The following NKD1 variants were observed in gnomAD, a reference collection of about 807,000 sequenced individuals.
NKD1 encodes NKD inhibitor of Wnt signaling pathway 1, also known as protein naked cuticle homolog 1.
NKD1 carries 21 observed loss-of-function variants against 56.0 expected under a neutral mutation model. The ratio of observed to expected loss-of-function variants is 0.38; its 90% confidence interval spans 0.27 to 0.54. NKD1 has a LOEUF of 0.54. Among genes scored for constraint, NKD1 ranks in the 20% least tolerant of loss-of-function variants. The pLI is 0.82. For synonymous variants in NKD1, 263 were observed against 265.7 expected (o/e 0.99, Z 0.10); for missense variants, 578 against 642.7 (o/e 0.90, Z 1.09).
At chr16:50,563,559 G>A (rs1223284943) in intron 3 of NKD1, among the ~76,000 whole-genome samples, 2 of 151,448 alleles carry the variant, frequency 1.3e-5, no homozygotes, top group Non-Finnish European at 2.9e-5. Context: ...CCATGGAGAA[G>A]ACCCTGTGTG....
chr16:50,601,600 C>T (rs1193408391), intron 3 of NKD1, among the ~76,000 whole-genome samples: 4 of 152,144 alleles, frequency 2.6e-5, no homozygotes, highest in Non-Finnish European at 4.4e-5. Context: ...GAGAAGCTGC[C>T]GATGAGATGA....
At chr16:50,601,038 T>G (rs2151273827) in intron 3 of NKD1, among the ~76,000 whole-genome samples, 1 of 152,372 alleles carries the variant, frequency 6.6e-6, no homozygotes, top group Middle Eastern at 3.4e-3. Flanking sequence ...CTCAATGTCT[T>G]TGGCGTCTTG....
intron 3 of NKD1, among the ~76,000 whole-genome samples, chr16:50,603,255 G>A (rs1453513510): frequency 1.3e-5 from 2 of 152,194 alleles, no homozygotes; most frequent in South Asian, 2.1e-4. Context: ...TGGGCGTCCC[G>A]ACTGCCAGGT....
chr16:50,592,457 G>C (rs557046002), intron 3 of NKD1, among the ~76,000 whole-genome samples: 296 of 152,360 alleles, frequency 1.9e-3, no homozygotes, highest in South Asian at 0.015. Flanking sequence ...CTGCAGAGAG[G>C]AGGAAGAGAG....
chr16:50,625,301 C>T (rs879383381), intron 5 of NKD1, 184 bp from the exon 6 acceptor site: 159 of 601,986 alleles, frequency 2.6e-4, no homozygotes, highest in African/African-American at 2.8e-4. Flanking sequence ...CTCCCCTGCC[C>T]GGGCTCTGGC....
At chr16:50,627,392 T>C (rs969977357) in intron 6 of NKD1, among the ~76,000 whole-genome samples, 1 of 152,106 alleles carries the variant, frequency 6.6e-6, no homozygotes, top group African/African-American at 2.4e-5. Flanking sequence ...GCTTTGATAA[T>C]GAGAGGAAGG....
chr16:50,598,166 G>A lies in NKD1; in HGVS notation c.193-10128G>A, dbSNP rs1596730799. ...GCCCAGGGCTGATGGGATCAGAGTG[G>A]GTAGGAGCATGGCTTCTGCAAGATG... On this transcript the variant is annotated intron_variant, in intron 3 of 9. Transcript: ENST00000268459. The surrounding 1 kb of genome is among the most constrained non-coding windows in gnomAD (Gnocchi z 4.2). 6.6e-6 allele frequency among the ~76,000 whole-genome samples: 1 copy of A among 151,894 alleles called. No individual in the cohort carries two copies. Among genetic ancestry groups the A allele is most frequent in the Admixed American group, 6.6e-5 (1 of 15,264 alleles).
At chr16:50,577,034 A>G (rs566187550) in intron 3 of NKD1, among the ~76,000 whole-genome samples, 43 of 152,300 alleles carry the variant, frequency 2.8e-4, no homozygotes, top group African/African-American at 9.6e-4. Context: ...CTGGCCCTAT[A>G]CAAGGCAGAA....
In NKD1 at chr16:50,598,189, A is replaced by T. The variant is rs1392573225; in HGVS notation, c.193-10105A>T. On this transcript the variant is annotated intron_variant, in intron 3 of 9. Transcript: ENST00000268459. This position sits in a 1 kb window ranked among gnomAD's most constrained non-coding sequence, Gnocchi z 4.2. ...TGGGTAGGAGCATGGCTTCTGCAAG[A>T]TGGTTTCTCCAGGGCACTGCAGGGC... Among the ~76,000 whole-genome samples the T allele has an allele frequency of 6.6e-6, 1 of 150,912 alleles. No individual in the cohort carries two copies. Among genetic ancestry groups the T allele is most frequent in the African/African-American group, 2.5e-5 (1 of 40,788 alleles).
rs1351055560 is a variant in NKD1, at chr16:50,639,454, C to T, written c.*5673C>T. On this transcript the variant is annotated 3_prime_UTR_variant, in exon 10 of 10. Coordinates refer to ENST00000268459, the MANE Select transcript of NKD1 (RefSeq NM_033119.5). ...ATTCTGAGAGTCCTGTTGCCTGTGC[C>T]TTGGTGCACGTGGGGTGGAATCCCA... The T allele has an allele frequency of 6.6e-6, 1 of 152,260 alleles. No individual in the cohort carries two copies. Among genetic ancestry groups the T allele is most frequent in the African/African-American group, 2.4e-5 (1 of 41,434 alleles). The allele number at this position is 152,260 out of a possible 1,614,324, so 9.4% of individuals were successfully genotyped here.
rs1962360328 is a variant in NKD1, at chr16:50,632,160, A to G, written c.696-121A>G. The G allele has an allele frequency of 1.1e-6, 1 of 945,176 alleles. No homozygotes were observed. The highest frequency in any genetic ancestry group is 1.6e-6 in the Non-Finnish European group (1 of 625,308). The allele number at this position is 945,176 out of a possible 1,614,324, so 58.5% of individuals were successfully genotyped here. On this transcript the variant is annotated intron_variant, in intron 8 of 9. Transcript: ENST00000268459. The surrounding 1 kb of genome is among the most constrained non-coding windows in gnomAD (Gnocchi z 4.1). ...GGACTGTTCCTCCCCACCCTCTCCA[A>G]AGGCCAAGAAGGAAATGAATGAAGG...
At chr16:50,572,361 C>T (rs1486181173) in intron 3 of NKD1, among the ~76,000 whole-genome samples, 1 of 152,152 alleles carries the variant, frequency 6.6e-6, no homozygotes, top group Non-Finnish European at 1.5e-5. Context: ...TTGCACAGGG[C>T]CTGACACATA....
At chr16:50,628,387 G>A (rs1272375003) in intron 6 of NKD1, among the ~76,000 whole-genome samples, 1 of 152,230 alleles carries the variant, frequency 6.6e-6, no homozygotes, top group African/African-American at 2.4e-5. Context: ...GCTGCGCTGG[G>A]GTTGCCTCAG....
At chr16:50,562,215 A>G in intron 3 of NKD1, 1 of 618,686 alleles carries the variant, frequency 1.6e-6, no homozygotes. Flanking sequence ...AGACCCTGAG[A>G]CGCTGCTGAA....
At chr16:50,574,780 G>A in intron 3 of NKD1, 2 of 985,366 alleles carry the variant, frequency 2.0e-6, no homozygotes, top group Middle Eastern at 5.2e-4. Context: ...TCTGAGCCCT[G>A]TAAAAATAAA....
At chr16:50,573,132 A>T (rs1394620142) in intron 3 of NKD1, among the ~76,000 whole-genome samples, 2 of 152,264 alleles carry the variant, frequency 1.3e-5, no homozygotes, top group East Asian at 3.9e-4. Context: ...TGCTCTTATG[A>T]CTAATTATCA....
At chr16:50,561,859 T>C (rs764769002) in intron 3 of NKD1, among the ~76,000 whole-genome samples, 4 of 151,318 alleles carry the variant, frequency 2.6e-5, no homozygotes, top group Admixed American at 6.6e-5. Context: ...TACCGGAGAG[T>C]AGGTGGTCTC....
At chr16:50,615,358 T>C (rs775272992) in intron 4 of NKD1, among the ~76,000 whole-genome samples, 2 of 152,130 alleles carry the variant, frequency 1.3e-5, no homozygotes, top group Non-Finnish European at 2.9e-5. Flanking sequence ...TATCTCAGGG[T>C]ATAGATATTG....
rs115986665 is a variant in NKD1, at chr16:50,614,977, G to T, written c.259+6617G>T. Among the ~76,000 whole-genome samples, 1,380 of 152,264 alleles carry T rather than the reference G, an allele frequency of 9.1e-3. 25 individuals are homozygous for T. The highest frequency in any genetic ancestry group is 0.031 in the African/African-American group (1,291 of 41,546). The stretch of plus-strand genomic sequence containing the variant: ...TTCATACTGACCTAGGACCAGCCAC[G>T]TGGCCTTCAGGATGAAACAAGCTGG... On this transcript the variant is annotated intron_variant, in intron 4 of 9. Coordinates refer to ENST00000268459, the MANE Select transcript of NKD1 (RefSeq NM_033119.5).
Sources: allele counts gnomAD v4.1 joint callset (sites outside exome capture counted in the v4.1 genomes callset), GRCh38; gene constraint gnomAD v4.1.1; non-coding constraint Gnocchi (gnomAD v3.1); transcripts MANE v1.5; gene names NCBI Gene and HGNC (gene_info 2026-07-23, HGNC 2026-07-21).